LAMA1: variants seen among roughly 807,000 people sequenced by gnomAD.
LAMA1 encodes the protein laminin subunit alpha 1, also known as laminin subunit alpha-1.
A neutral mutation model predicts 348.7 loss-of-function variants in LAMA1; 219 were observed. The observed-to-expected ratio is 0.63, with a 90% CI of 0.56 to 0.70. LAMA1 has a LOEUF of 0.70. Ranked by LOEUF, LAMA1 falls within the 30% of genes least tolerant of loss-of-function variation. The probability of loss-of-function intolerance (pLI) is 0.00; values close to 1 mark genes in which losing one functional copy is unlikely to be tolerated. For synonymous variants in LAMA1, 1,487 were observed against 1,491.0 expected, an observed-to-expected ratio of 1.00 and a Z score of 0.06; for missense variants, 3,744 against 3,888.0, an observed-to-expected ratio of 0.96 and a Z score of 0.99.
At chr18:7,078,956 C>T (rs2058182036) in intron 3 of LAMA1, among the ~76,000 whole-genome samples, 1 of 151,998 alleles carries the variant, frequency 6.6e-6, no homozygotes. Flanking sequence ...CACTGCACTC[C>T]AGCCTGACGA....
At chr18:6,971,773 G>T in intron 48 of LAMA1, 84 bp downstream of exon 48, 1 of 1,568,124 alleles carries the variant, frequency 6.4e-7, no homozygotes, top group Non-Finnish European at 8.8e-7. Context: ...ATTCCTTGAC[G>T]TGCATGTATT....
At position 6,969,164 on chromosome 18, in the gene LAMA1, A is replaced by T. The variant is rs532547031; in HGVS notation, c.6899+2693T>A. Among the ~76,000 whole-genome samples, 58 of 151,728 alleles carry T rather than the reference A, an allele frequency of 3.8e-4. No individual in the cohort carries two copies. In the South Asian group the frequency reaches 0.012, roughly 31 times the overall value. ...TGCACTTTTTTTTTTTTGAGACAGG[A>T]TCTCACTCTGTCACCCAGGCAGAAG... On this transcript the variant is annotated intron_variant, in intron 48 of 62. Coordinates refer to ENST00000389658, the MANE Select transcript of LAMA1 (RefSeq NM_005559.4).
At chr18:7,053,812 A>C (rs148338894) in intron 3 of LAMA1, among the ~76,000 whole-genome samples, 1 of 145,362 alleles carries the variant, frequency 6.9e-6, no homozygotes, top group Non-Finnish European at 1.5e-5. Flanking sequence ...ACAAGGTCTC[A>C]CTCTGTTGCC....
chr18:7,083,674 C>T (rs765286629), intron 1 of LAMA1, among the ~76,000 whole-genome samples: 46 of 152,014 alleles, frequency 3.0e-4, no homozygotes, highest in Admixed American at 3.9e-4. Flanking sequence ...AAAAAATATT[C>T]ACTAAAAATG....
intron 3 of LAMA1, among the ~76,000 whole-genome samples, chr18:7,064,498 T>G (rs2058114809): frequency 6.6e-6 from 1 of 152,162 alleles, no homozygotes. Context: ...TACTGAGCTC[T>G]GGCAAGGCAT....
At chr18:7,012,477 ATAT>A (rs961310254) in intron 23 of LAMA1, among the ~76,000 whole-genome samples, 33 of 140,498 alleles carry the variant, frequency 2.3e-4, no homozygotes, top group East Asian at 1.6e-3. Context: ...CAGGTGATAA[ATAT>A]TATTATTATT....
At chr18:6,962,943 G>A (rs1415755719) in intron 51 of LAMA1, among the ~76,000 whole-genome samples, 4 of 152,134 alleles carry the variant, frequency 2.6e-5, no homozygotes, top group Non-Finnish European at 5.9e-5. Flanking sequence ...CTATAATGTA[G>A]TCCAGCTCTA....
chr18:7,013,912 G>T lies in LAMA1; in HGVS notation c.3266C>A (p.Pro1089His). ...CGTCCCCCTCAGGTCACAGTCACAG[G>T]GAACACAGTCGGGAAAGTCTCTGTA... ...LGYRDFPDCV[P>H]CDCDLRGTSG... is the part of the protein sequence containing the mutation. The change falls in exon 23 of 63, where the codon CCC becomes CAC. Residue 1089 changes from proline to histidine, a missense_variant. Pro to His is a moderately conservative substitution (Grantham distance 77). Around this residue, in one of 3 missense-constraint regions of LAMA1, gnomAD observed 1,529 missense variants for 1,689.4 expected, o/e 0.91. Transcript: ENST00000389658. The T allele has an allele frequency of 6.2e-7, 1 of 1,613,662 alleles. No individual in the cohort carries two copies. The highest frequency in any genetic ancestry group is 8.5e-7 in the Non-Finnish European group (1 of 1,179,772).
Position 7,016,657 on chromosome 18 carries a change from C to A in LAMA1, c.2823G>T (p.Gly941=). 1 of 1,613,066 alleles carries A rather than the reference C, an allele frequency of 6.2e-7. No individual in the cohort carries two copies. The highest frequency in any genetic ancestry group is 8.5e-7 in the Non-Finnish European group (1 of 1,179,624). ...GCCGGCAGCCATGGCCTGAGTCCAGCCCATAATAGCCATGCTGTTTCACCA... is the reference window on the plus strand; with the variant it reads ...GCCGGCAGCCATGGCCTGAGTCCAGACCATAATAGCCATGCTGTTTCACCA... ...QCDQCLHGYY[G]LDSGHGCRPC... The change falls in exon 21 of 63, where the codon GGG becomes GGT. Residue 941 remains glycine (G), a synonymous_variant. Transcript: ENST00000389658.
chr18:7,101,277 G>A (rs1158812877), intron 1 of LAMA1, among the ~76,000 whole-genome samples: 1 of 152,188 alleles, frequency 6.6e-6, no homozygotes, highest in African/African-American at 2.4e-5. Flanking sequence ...TGTTAAAACA[G>A]AGATTCTCCT....
At position 6,959,434 on chromosome 18, in the gene LAMA1, T is replaced by A. The variant is rs768991446; in HGVS notation, c.7685A>T (p.Asp2562Val). The A allele has an allele frequency of 1.9e-6, 3 of 1,614,106 alleles. No individual in the cohort carries two copies. Among genetic ancestry groups the A allele is most frequent in the East Asian group, 2.2e-5 (1 of 44,876 alleles). The part of the protein sequence containing the change: ...GNIEVHVNPG[D>V]GTGLRKALLH... ...GAGAGCTTTTCTCAGGCCTGTCCCA[T>A]CCCCAGGATTGACATGTACCTCAAT... The change falls in exon 54 of 63, where the codon GAT becomes GTT. Residue 2562 changes from aspartate (D) to valine (V), a missense_variant. Transcript: ENST00000389658.
At chr18:7,038,213 G>A (rs1025227441) in intron 11 of LAMA1, among the ~76,000 whole-genome samples, 5 of 152,114 alleles carry the variant, frequency 3.3e-5, no homozygotes, top group Non-Finnish European at 7.3e-5. Context: ...CCCCAGCGTG[G>A]TGTCCACAGC....
chr18:7,006,880 T>C (rs1389565828), intron 29 of LAMA1, among the ~76,000 whole-genome samples: 2 of 152,214 alleles, frequency 1.3e-5, no homozygotes, highest in African/African-American at 4.8e-5. Context: ...AATGTCATTA[T>C]TTGGTGCACG....
intron 7 of LAMA1, among the ~76,000 whole-genome samples, chr18:7,043,930 C>A (rs931204863): frequency 1.3e-5 from 2 of 151,972 alleles, no homozygotes; most frequent in Non-Finnish European, 2.9e-5. Flanking sequence ...CCGAGGCGGG[C>A]GGATCACGAG....
intron 1 of LAMA1, among the ~76,000 whole-genome samples, chr18:7,090,122 G>A (rs1415987725): frequency 6.6e-6 from 1 of 152,096 alleles, no homozygotes; most frequent in Non-Finnish European, 1.5e-5. Context: ...CACCAAACAT[G>A]TTCCCATAAC....
intron 5 of LAMA1, among the ~76,000 whole-genome samples, chr18:7,048,361 C>T (rs993037870): frequency 1.3e-5 from 2 of 152,148 alleles, no homozygotes; most frequent in Non-Finnish European, 2.9e-5. Context: ...GTGTGTAGTG[C>T]AGCCAGAACT....
chr18:6,996,570 C>T (rs1254419945), intron 33 of LAMA1, among the ~76,000 whole-genome samples: 1 of 151,948 alleles, frequency 6.6e-6, no homozygotes, highest in African/African-American at 2.4e-5. Context: ...CTTAGGAGTT[C>T]AAGACCAGCC....
intron 29 of LAMA1, 36 bp from the exon 30 acceptor site, chr18:7,002,421 G>A: frequency 6.3e-7 from 1 of 1,580,396 alleles, no homozygotes; most frequent in Admixed American, 1.7e-5. Flanking sequence ...GGGAAAAAAT[G>A]GGAAATTGTT....
intron 1 of LAMA1, among the ~76,000 whole-genome samples, chr18:7,103,904 G>A (rs1004351897): frequency 4.6e-5 from 7 of 151,874 alleles, no homozygotes; most frequent in Middle Eastern, 3.4e-3. Context: ...GCGGATCTTC[G>A]CTCTGCTTCC....
Sources: gnomAD v4.1 joint callset for allele counts (sites outside exome capture counted in the v4.1 genomes callset) on GRCh38, gnomAD v4.1.1 for gene constraint, gnomAD v4.1.1 regional missense constraint, MANE v1.5 for transcripts, NCBI Gene and HGNC (gene_info 2026-07-23, HGNC 2026-07-21) for gene names.